Variants in CTXND1 observed in about 807,000 individuals in gnomAD.
CTXND1 encodes the protein cortexin domain-containing 1 protein.
intron 1 of CTXND1, among the ~76,000 whole-genome samples, chr15:80,226,342 G>T (rs935327900): frequency 5.3e-5 from 8 of 152,162 alleles, no homozygotes; most frequent in African/African-American, 1.9e-4. Context: ...TTGAAAATAT[G>T]TTATAGCAGG....
At chr15:80,209,500 G>A (rs1893182806) in intron 1 of CTXND1, among the ~76,000 whole-genome samples, 1 of 152,168 alleles carries the variant, frequency 6.6e-6, no homozygotes, top group South Asian at 2.1e-4. Flanking sequence ...TCAGAGTCAG[G>A]GACTCTGACC....
intron 1 of CTXND1, among the ~76,000 whole-genome samples, chr15:80,237,064 G>C (rs545673875): frequency 6.6e-6 from 1 of 151,992 alleles, no homozygotes; most frequent in Non-Finnish European, 1.5e-5. Flanking sequence ...GGCCAGGCGC[G>C]GTGGCTCATG....
chr15:80,220,275 T>A (rs1380370754), intron 1 of CTXND1, among the ~76,000 whole-genome samples: 1 of 152,232 alleles, frequency 6.6e-6, no homozygotes, highest in African/African-American at 2.4e-5. Flanking sequence ...TATATTTATG[T>A]CTCCCTATAG....
intron 1 of CTXND1, among the ~76,000 whole-genome samples, chr15:80,239,580 G>GT (rs1267607408): frequency 6.6e-6 from 1 of 152,232 alleles, no homozygotes; most frequent in Non-Finnish European, 1.5e-5. Flanking sequence ...ATGTTCTTCA[G>GT]TTTTGGGACT....
intron 1 of CTXND1, among the ~76,000 whole-genome samples, chr15:80,221,265 A>G (rs1344072100): frequency 6.6e-6 from 1 of 152,214 alleles, no homozygotes; most frequent in Non-Finnish European, 1.5e-5. Flanking sequence ...AATGCCCGCC[A>G]AGAACAGTTT....
intron 1 of CTXND1, among the ~76,000 whole-genome samples, chr15:80,247,943 T>G (rs1893652132): frequency 6.6e-6 from 1 of 152,214 alleles, no homozygotes; most frequent in South Asian, 2.1e-4. Flanking sequence ...AATGACAATT[T>G]GTCAAGTCAA....
intron 2 of CTXND1, among the ~76,000 whole-genome samples, chr15:80,203,353 C>T (rs1286870877): frequency 6.6e-6 from 1 of 152,178 alleles, no homozygotes; most frequent in Non-Finnish European, 1.5e-5. Flanking sequence ...GAAACTGAGG[C>T]ACTGAGCAGG....
rs1567133478 is a variant in CTXND1 at position 80,232,940 on chromosome 15, C to CTT, written c.-218+19066_-218+19067insAA. On this transcript the variant is annotated intron_variant, in intron 1 of 2. Coordinates refer to ENST00000560778, the MANE Select transcript of CTXND1 (RefSeq NM_001352888.2). ...TGATATTAGACGAAAAATGCAACTT[C>CTT]CTTTTTTTTTTTTTTTTTTTGAGAC... 5.1e-3 allele frequency among the ~76,000 whole-genome samples: 661 copies of CTT among 128,796 alleles called. 13 individuals carry two copies. The highest frequency in any genetic ancestry group is 0.018 in the African/African-American group (634 of 34,762). 84.5% of individuals were successfully genotyped at this position (128,796 alleles called of 152,430 possible). A position where few individuals can be genotyped will look rare whatever the true frequency, so the allele number is the denominator to read the frequency against.
At chr15:80,205,808 G>A (rs1026743972) in intron 1 of CTXND1, among the ~76,000 whole-genome samples, 3 of 152,116 alleles carry the variant, frequency 2.0e-5, no homozygotes, top group Non-Finnish European at 2.9e-5. Context: ...TCTCCCAGTT[G>A]ACATCATGAG....
At chr15:80,243,290 G>A (rs928318650) in intron 1 of CTXND1, among the ~76,000 whole-genome samples, 2 of 152,200 alleles carry the variant, frequency 1.3e-5, no homozygotes, top group African/African-American at 4.8e-5. Context: ...CCTGGGGTAT[G>A]GTGTAAGCTG....
intron 1 of CTXND1, among the ~76,000 whole-genome samples, chr15:80,209,265 A>G (rs1049723087): frequency 1.3e-5 from 2 of 152,212 alleles, no homozygotes; most frequent in African/African-American, 2.4e-5. Flanking sequence ...CTTAATTACC[A>G]GGCAGGCATA....
chr15:80,204,169 AATATATATATATAT>A (rs1282033532), intron 1 of CTXND1, among the ~76,000 whole-genome samples: 3 of 65,190 alleles, frequency 4.6e-5, no homozygotes, highest in South Asian at 7.3e-4. Flanking sequence ...AAAAAAAAAA[AATATATATATATAT>A]ATATATATAT....
At chr15:80,221,622 C>T (rs1893321247) in intron 1 of CTXND1, among the ~76,000 whole-genome samples, 1 of 152,054 alleles carries the variant, frequency 6.6e-6, no homozygotes, top group African/African-American at 2.4e-5. Flanking sequence ...TCTGATTTAA[C>T]CTATATTAAT....
chr15:80,215,497 G>A (rs923917690), intron 1 of CTXND1, among the ~76,000 whole-genome samples: 1 of 152,194 alleles, frequency 6.6e-6, no homozygotes, highest in Admixed American at 6.5e-5. Flanking sequence ...ACATCACCAA[G>A]AGAAGGTGAT....
chr15:80,232,490 GGAAA>G (rs1300114352), intron 1 of CTXND1, among the ~76,000 whole-genome samples: 1 of 152,066 alleles, frequency 6.6e-6, no homozygotes, highest in Non-Finnish European at 1.5e-5. Context: ...TGTTTTTAAT[GGAAA>G]GAATCAATCT....
chr15:80,235,309 G>A (rs918042578), intron 1 of CTXND1, among the ~76,000 whole-genome samples: 4 of 152,216 alleles, frequency 2.6e-5, no homozygotes, highest in East Asian at 1.9e-4. Context: ...TTCTCTCCAG[G>A]TACCGAAAGT....
Position 80,199,761 on chromosome 15 carries a change from G to A in CTXND1, c.*2009C>T, listed in dbSNP as rs3743421. 45,180 of 152,178 alleles carry A rather than the reference G, an allele frequency of 0.3. 7,092 individuals are homozygous for A. Among genetic ancestry groups the A allele is most frequent in the African/African-American group, 0.41 (17,106 of 41,446 alleles). The allele number at this position is 152,178 out of a possible 1,614,324, so 9.4% of individuals were successfully genotyped here. A position where few individuals can be genotyped will look rare whatever the true frequency, so the allele number is the denominator to read the frequency against. Reference sequence around the variant, plus strand: ...CTGAAATGCTGCCTGAAGAGCTGTGGCCTTGTCCACATTCAGGGGTCACCT... The same window carrying A: ...CTGAAATGCTGCCTGAAGAGCTGTGACCTTGTCCACATTCAGGGGTCACCT... On this transcript the variant is annotated 3_prime_UTR_variant, in exon 3 of 3. Transcript: ENST00000560778.
intron 1 of CTXND1, among the ~76,000 whole-genome samples, chr15:80,249,680 A>G (rs1390514831): frequency 6.6e-6 from 1 of 152,234 alleles, no homozygotes; most frequent in African/African-American, 2.4e-5. Flanking sequence ...TTTGTCCCCC[A>G]CAAATGCCAG....
At chr15:80,210,101 CT>C (rs1307552845) in intron 1 of CTXND1, among the ~76,000 whole-genome samples, 5 of 152,204 alleles carry the variant, frequency 3.3e-5, no homozygotes, top group African/African-American at 1.2e-4. Context: ...AATTTTGCCC[CT>C]GATCATCTGG....
Sources: allele counts gnomAD v4.1 joint callset (sites outside exome capture counted in the v4.1 genomes callset), GRCh38; gene constraint gnomAD v4.1.1; transcripts MANE v1.5; gene names NCBI Gene and HGNC (gene_info 2026-07-23, HGNC 2026-07-21).